CNTN4: variants seen among roughly 807,000 people sequenced by gnomAD.
The protein encoded by CNTN4 is contactin-4.
CNTN4 carries 77 observed loss-of-function variants against 122.5 expected under a neutral mutation model. That is an observed-to-expected ratio of 0.63 (90% CI 0.52 to 0.76). CNTN4 has a LOEUF of 0.76. CNTN4 is among the 30% of genes least tolerant of loss of function. The pLI, the probability that CNTN4 is intolerant of heterozygous loss-of-function variation, is 0.00. For missense variants in CNTN4, 1,256 were observed against 1,259.1 expected (o/e 1.00, Z 0.04); for synonymous variants, 512 against 447.0 (o/e 1.15, Z -1.83).
At chr3:2,448,849 A>C (rs1454395098) in intron 3 of CNTN4, among the ~76,000 whole-genome samples, 2 of 152,146 alleles carry the variant, frequency 1.3e-5, no homozygotes, top group Admixed American at 6.5e-5. Context: ...TTAAGTAAAA[A>C]TGTATAGGAA....
chr3:2,592,904 C>T (rs1016235614), intron 4 of CNTN4, among the ~76,000 whole-genome samples: 3 of 152,098 alleles, frequency 2.0e-5, no homozygotes, highest in Non-Finnish European at 2.9e-5. Flanking sequence ...CAAAACAGAA[C>T]CTTTGTGCAC....
At chr3:2,144,605 C>T (rs546008733) in intron 2 of CNTN4, among the ~76,000 whole-genome samples, 16 of 152,292 alleles carry the variant, frequency 1.1e-4, no homozygotes, top group African/African-American at 3.4e-4. Context: ...ACTCTGCCTA[C>T]ACAATGACAC....
At chr3:2,935,168 T>C (rs183775281) in intron 13 of CNTN4, among the ~76,000 whole-genome samples, 1 of 152,318 alleles carries the variant, frequency 6.6e-6, no homozygotes, top group Non-Finnish European at 1.5e-5. Context: ...AGGGTTAAAA[T>C]GATGACTAAA....
chr3:2,125,703 G>A (rs984500853), intron 2 of CNTN4, among the ~76,000 whole-genome samples: 2 of 151,544 alleles, frequency 1.3e-5, no homozygotes, highest in African/African-American at 4.8e-5. Flanking sequence ...GACTACAGGC[G>A]CCTGCCACCA....
chr3:2,374,531 C>T (rs1362840069), intron 3 of CNTN4, among the ~76,000 whole-genome samples: 1 of 152,110 alleles, frequency 6.6e-6, no homozygotes, highest in Non-Finnish European at 1.5e-5. Context: ...TCTGCATTTT[C>T]ACATAAACTA....
intron 2 of CNTN4, among the ~76,000 whole-genome samples, chr3:2,191,749 A>C (rs1304519694): frequency 6.6e-6 from 1 of 151,490 alleles, no homozygotes; most frequent in Non-Finnish European, 1.5e-5. Flanking sequence ...TATTTATTAT[A>C]CTTTAAGTTC....
At chr3:3,050,099 C>T (rs1701103086) in intron 23 of CNTN4, among the ~76,000 whole-genome samples, 2 of 152,132 alleles carry the variant, frequency 1.3e-5, no homozygotes, top group Admixed American at 1.3e-4. Context: ...AGCCTAATCA[C>T]CTCATGGCCT....
chr3:2,253,526 T>G (rs1219422618), intron 2 of CNTN4, among the ~76,000 whole-genome samples: 1 of 152,244 alleles, frequency 6.6e-6, no homozygotes, highest in Non-Finnish European at 1.5e-5. Context: ...GTCTACTGAC[T>G]AATTTTTCTT....
intron 3 of CNTN4, among the ~76,000 whole-genome samples, chr3:2,348,233 T>A (rs562931303): frequency 6.7e-5 from 10 of 148,622 alleles, no homozygotes; most frequent in Non-Finnish European, 4.6e-5. Context: ...TTAGATCATA[T>A]ACTTAACGCT....
At chr3:2,969,929 T>C (rs1203655045) in intron 13 of CNTN4, among the ~76,000 whole-genome samples, 1 of 152,106 alleles carries the variant, frequency 6.6e-6, no homozygotes, top group Admixed American at 6.5e-5. Flanking sequence ...TGTGTAGGCA[T>C]TGAGTACGTA....
Position 2,739,312 on chromosome 3 carries a change from TA to T in CNTN4, c.182+2982del, listed in dbSNP as rs200387504. On this transcript the variant is annotated intron_variant, in intron 5 of 24. Coordinates refer to ENST00000418658, the MANE Select transcript of CNTN4 (RefSeq NM_175607.3). ...AGCAATTTAAATTGGTAAAAGCCAT[TA>T]AAAAAAAAAACACTCCCTAGTAAAG... 8.1e-4 allele frequency among the ~76,000 whole-genome samples: 117 copies of T among 144,712 alleles called. 1 individual carries two copies. The highest frequency in any genetic ancestry group is 1.4e-3 in the East Asian group (7 of 5,016). The allele number at this position is 144,712 out of a possible 152,430, so 94.9% of individuals were successfully genotyped here.
chr3:2,542,786 C>T (rs2078085856), intron 3 of CNTN4, among the ~76,000 whole-genome samples: 2 of 152,186 alleles, frequency 1.3e-5, no homozygotes, highest in South Asian at 4.1e-4. Flanking sequence ...GTTAGCTGTT[C>T]TGGGGAGTGA....
At chr3:2,718,291 A>G (rs1320005210) in intron 4 of CNTN4, among the ~76,000 whole-genome samples, 1 of 151,798 alleles carries the variant, frequency 6.6e-6, no homozygotes, top group Non-Finnish European at 1.5e-5. Flanking sequence ...TGATTTCTCT[A>G]TGTTGGGAAA....
intron 2 of CNTN4, among the ~76,000 whole-genome samples, chr3:2,265,488 T>G (rs1245107857): frequency 6.6e-6 from 1 of 152,098 alleles, no homozygotes; most frequent in Non-Finnish European, 1.5e-5. Context: ...TGAAATCACA[T>G]AGTATGATGC....
At chr3:2,381,553 A>G (rs78855680) in intron 3 of CNTN4, among the ~76,000 whole-genome samples, 10,904 of 152,268 alleles carry the variant, frequency 0.072, 932 homozygotes, top group East Asian at 0.5. Flanking sequence ...GTCAAAAGAT[A>G]TAAAATATGT....
chr3:2,931,710 C>T (rs1242546179), intron 13 of CNTN4, among the ~76,000 whole-genome samples: 2 of 152,094 alleles, frequency 1.3e-5, no homozygotes, highest in South Asian at 4.2e-4. Flanking sequence ...CTCACTGCAG[C>T]CTTGAACTCC....
chr3:2,317,930 A>G (rs1466513053), intron 2 of CNTN4, among the ~76,000 whole-genome samples: 1 of 152,204 alleles, frequency 6.6e-6, no homozygotes, highest in African/African-American at 2.4e-5. Flanking sequence ...TATGACTTAC[A>G]GGATTCAACA....
At chr3:2,278,803 A>G (rs1420593816) in intron 2 of CNTN4, among the ~76,000 whole-genome samples, 1 of 149,836 alleles carries the variant, frequency 6.7e-6, no homozygotes, top group Non-Finnish European at 1.5e-5. Flanking sequence ...TGAGGATTAA[A>G]AAAGTAAGAA....
At chr3:2,899,575 G>A (rs1006012996) in intron 10 of CNTN4, among the ~76,000 whole-genome samples, 1 of 152,112 alleles carries the variant, frequency 6.6e-6, no homozygotes, top group Admixed American at 6.6e-5. Flanking sequence ...TGATATTTAT[G>A]AAGACTTTTT....
Sources: gnomAD v4.1 joint callset for allele counts (sites outside exome capture counted in the v4.1 genomes callset) on GRCh38, gnomAD v4.1.1 for gene constraint, MANE v1.5 for transcripts, NCBI Gene and HGNC (gene_info 2026-07-23, HGNC 2026-07-21) for gene names.